The following AFF3 variants were observed in gnomAD, a reference collection of about 807,000 sequenced individuals.
AFF3 encodes AF4/FMR2 family member 3.
In AFF3, 32 loss-of-function variants were observed where a neutral mutation model predicts 129.7. That is an observed-to-expected ratio of 0.25 (90% confidence interval 0.19 to 0.33). AFF3 has a LOEUF of 0.33. Among genes scored for constraint, AFF3 ranks in the 10% least tolerant of loss-of-function variants. The pLI is 1.00. For synonymous variants in AFF3, 644 were observed against 635.4 expected (o/e 1.01, Z -0.20); for missense variants, 1,373 against 1,592.0 (o/e 0.86, Z 2.34).
At chr2:99,858,343 G>A (rs1161660039) in intron 7 of AFF3, among the ~76,000 whole-genome samples, 1 of 150,854 alleles carries the variant, frequency 6.6e-6, no homozygotes, top group East Asian at 1.9e-4. Flanking sequence ...CCCAGGAGTT[G>A]GAGACCAGCC....
intron 4 of AFF3, among the ~76,000 whole-genome samples, chr2:100,056,948 T>G (rs1178855441): frequency 6.6e-6 from 1 of 151,860 alleles, no homozygotes; most frequent in East Asian, 1.9e-4. Flanking sequence ...GCTGAAGAAA[T>G]GGTAAAGCAC....
intron 8 of AFF3, among the ~76,000 whole-genome samples, chr2:99,793,782 G>C (rs1426955365): frequency 1.3e-5 from 2 of 151,960 alleles, no homozygotes; most frequent in Admixed American, 6.6e-5. Flanking sequence ...AATGAGTTCT[G>C]CTCCTATCTT....
intron 7 of AFF3, among the ~76,000 whole-genome samples, chr2:99,975,553 G>A (rs1412858432): frequency 6.6e-6 from 1 of 152,056 alleles, no homozygotes; most frequent in Non-Finnish European, 1.5e-5. Flanking sequence ...GAAGAAAATT[G>A]TTTAGAAAAT....
intron 7 of AFF3, among the ~76,000 whole-genome samples, chr2:99,954,526 C>A (rs925673210): frequency 6.6e-6 from 1 of 151,868 alleles, no homozygotes; most frequent in Non-Finnish European, 1.5e-5. Flanking sequence ...AAATGTCCAA[C>A]AATGATAGAC....
chr2:100,060,190 T>C (rs1432896583), intron 4 of AFF3, among the ~76,000 whole-genome samples: 4 of 152,130 alleles, frequency 2.6e-5, no homozygotes, highest in African/African-American at 9.7e-5. Flanking sequence ...GTCACCTTTA[T>C]AGTCACTTGA....
Position 99,742,679 on chromosome 2 carries a change from A to T in AFF3, c.1039+1425T>A, listed in dbSNP as rs1357778493. Among the ~76,000 whole-genome samples, 3 of 152,194 alleles carry T rather than the reference A, an allele frequency of 2.0e-5. No individual in the cohort carries two copies. In the East Asian group the frequency reaches 5.8e-4, roughly 29 times the overall value. ...TTGGGGCAGAGAGCCCTGAATTCAAATTCTAGCTGTCATTTTTTTAGCCAG... is the reference window on the plus strand; with the variant it reads ...TTGGGGCAGAGAGCCCTGAATTCAATTTCTAGCTGTCATTTTTTTAGCCAG... On this transcript the variant is annotated intron_variant, in intron 10 of 24. Coordinates refer to ENST00000672756, the MANE Select transcript of AFF3 (RefSeq NM_001386135.1).
At chr2:99,900,041 A>T (rs1157997159) in intron 7 of AFF3, among the ~76,000 whole-genome samples, 1 of 152,224 alleles carries the variant, frequency 6.6e-6, no homozygotes, top group East Asian at 1.9e-4. Context: ...ATGCAAGGCC[A>T]TGGAGAGCTC....
intron 13 of AFF3, among the ~76,000 whole-genome samples, chr2:99,619,654 G>A (rs1177874712): frequency 2.0e-5 from 3 of 152,114 alleles, no homozygotes; most frequent in Non-Finnish European, 2.9e-5. Flanking sequence ...TGAGGCTCAG[G>A]GGCCTTACCA....
chr2:99,922,241 C>T (rs531169181), intron 7 of AFF3, among the ~76,000 whole-genome samples: 1 of 152,184 alleles, frequency 6.6e-6, no homozygotes, highest in East Asian at 1.9e-4. Flanking sequence ...CAAAAGAAAT[C>T]AAACCATGTA....
rs762335819 is a variant in AFF3, at chr2:99,584,242, C to T, written c.2592-1243G>A. Among the ~76,000 whole-genome samples the T allele has an allele frequency of 2.8e-4, 43 of 151,468 alleles. No individual in the cohort carries two copies. In the South Asian group the frequency reaches 3.3e-3, roughly 12 times the overall value. ...CAGCACTTTGGGAGGCCAAGGTGGG[C>T]GTATCACTTGAGGTCGGGAGTTCGA... On this transcript the variant is annotated intron_variant, in intron 16 of 24. Coordinates refer to ENST00000672756, the MANE Select transcript of AFF3 (RefSeq NM_001386135.1).
Position 100,007,300 on chromosome 2 carries a change from A to G in AFF3, c.335T>C (p.Phe112Ser), listed in dbSNP as rs1176514907. ...GTTCTGGGCTCTTGAATCTGCAACA[A>G]AATGTTCATCGATCTTGTTCACAGG... Reference protein sequence around the residue: ...QTPVNKIDEHFVADSRAQNQP... With the variant: ...QTPVNKIDEHSVADSRAQNQP... Residue 112 changes from phenylalanine (F) to serine (S), a missense_variant, in exon 6 of 25, where the codon TTT becomes TCT. This residue lies in a region of AFF3 where 255 missense variants were observed against 256.0 expected (regional missense o/e 1.00). Coordinates refer to ENST00000672756, the MANE Select transcript of AFF3 (RefSeq NM_001386135.1). 2 of 1,613,976 alleles carry G rather than the reference A, an allele frequency of 1.2e-6. No individual in the cohort carries two copies. The highest frequency in any genetic ancestry group is 1.3e-5 in the African/African-American group (1 of 74,898).
intron 13 of AFF3, among the ~76,000 whole-genome samples, chr2:99,626,766 C>T (rs1682626185): frequency 1.3e-5 from 2 of 152,270 alleles, no homozygotes; most frequent in South Asian, 4.1e-4. Flanking sequence ...GTCTGTTGTT[C>T]TCCTCTATGT....
intron 20 of AFF3, among the ~76,000 whole-genome samples, chr2:99,562,077 G>C (rs1029587110): frequency 1.3e-5 from 2 of 152,120 alleles, no homozygotes; most frequent in Admixed American, 1.3e-4. Flanking sequence ...GTTTCTCCCT[G>C]GCTGCTTTCA....
At chr2:99,635,091 ATC>A (rs1411306352) in intron 13 of AFF3, among the ~76,000 whole-genome samples, 1 of 151,768 alleles carries the variant, frequency 6.6e-6, no homozygotes, top group Non-Finnish European at 1.5e-5. Flanking sequence ...ATATACACAT[ATC>A]TCTATGTATA....
At chr2:99,697,754 T>C (rs1199039347) in intron 11 of AFF3, among the ~76,000 whole-genome samples, 1 of 152,222 alleles carries the variant, frequency 6.6e-6, no homozygotes, top group Non-Finnish European at 1.5e-5. Context: ...TCCTCAGCCA[T>C]AACTTCCTTG....
chr2:99,645,938 A>G (rs1453851880), intron 13 of AFF3, among the ~76,000 whole-genome samples: 3 of 152,196 alleles, frequency 2.0e-5, no homozygotes, highest in Non-Finnish European at 2.9e-5. Context: ...CTAACCTCCA[A>G]CAACCCAGAG....
At chr2:99,680,533 G>A (rs1674428832) in intron 11 of AFF3, among the ~76,000 whole-genome samples, 1 of 152,170 alleles carries the variant, frequency 6.6e-6, no homozygotes, top group Non-Finnish European at 1.5e-5. Flanking sequence ...GAAGGGGGAT[G>A]TGCACCTAAC....
intron 16 of AFF3, among the ~76,000 whole-genome samples, chr2:99,585,767 C>T (rs556412784): frequency 2.5e-4 from 38 of 152,194 alleles, no homozygotes; most frequent in African/African-American, 8.9e-4. Context: ...ACCTCTCTGT[C>T]GCCCAGGCTG....
intron 11 of AFF3, among the ~76,000 whole-genome samples, chr2:99,678,259 C>A (rs1414306017): frequency 6.6e-6 from 1 of 152,160 alleles, no homozygotes; most frequent in Non-Finnish European, 1.5e-5. Flanking sequence ...CATTTGATTA[C>A]CATAACTTCC....
Sources: gnomAD v4.1 joint callset for allele counts (sites outside exome capture counted in the v4.1 genomes callset) on GRCh38, gnomAD v4.1.1 for gene constraint, gnomAD v4.1.1 regional missense constraint, MANE v1.5 for transcripts, NCBI Gene and HGNC (gene_info 2026-07-23, HGNC 2026-07-21) for gene names.